CNOT7: variants seen among roughly 807,000 people sequenced by gnomAD.
CNOT7 encodes BTG1-binding factor 1.
In CNOT7, 4 loss-of-function variants were observed where a neutral mutation model predicts 37.1. The observed-to-expected ratio is 0.11, with a 90% CI of 0.05 to 0.25. CNOT7 has a LOEUF of 0.25. Among genes scored for constraint, CNOT7 ranks in the 10% least tolerant of loss-of-function variants. The pLI, the probability that CNOT7 is intolerant of heterozygous loss-of-function variation, is 1.00. For missense variants in CNOT7, 170 were observed against 336.2 expected (o/e 0.51, Z 3.87); for synonymous variants, 128 against 115.6 (o/e 1.11, Z -0.69).
intron 3 of CNOT7, among the ~76,000 whole-genome samples, chr8:17,238,234 T>G (rs1034990752): frequency 6.6e-6 from 1 of 152,246 alleles, no homozygotes; most frequent in Non-Finnish European, 1.5e-5. Flanking sequence ...TTTTATTTAC[T>G]TTTTAAATTG....
chr8:17,245,544 T>A (rs904437075), intron 1 of CNOT7, among the ~76,000 whole-genome samples: 2 of 152,252 alleles, frequency 1.3e-5, no homozygotes, highest in Non-Finnish European at 2.9e-5. Context: ...CTACTCTGCA[T>A]AAAACTTTAT....
At chr8:17,243,727 C>G (rs1810503008) in intron 2 of CNOT7, 3 of 445,662 alleles carry the variant, frequency 6.7e-6, no homozygotes, top group South Asian at 3.1e-5. Context: ...CCTACTCACT[C>G]TTGTAGGATG....
At chr8:17,243,742 C>T in intron 2 of CNOT7, 2 of 431,146 alleles carry the variant, frequency 4.6e-6, no homozygotes, top group South Asian at 1.6e-5. Context: ...AGGATGTTAT[C>T]ACTTCTCTAT....
chr8:17,242,329 A>G (rs1810293892), intron 3 of CNOT7: 1 of 152,204 alleles, frequency 6.6e-6, no homozygotes, highest in Non-Finnish European at 1.5e-5. Context: ...GCCCCTCTCT[A>G]AAAACATCTA....
At position 17,226,033 on chromosome 8, in the gene CNOT7, T is replaced by TTTTTTTC. The variant is rs1465227866; in HGVS notation, c.*4686_*4687insGAAAAAA. The stretch of plus-strand genomic sequence containing the variant: ...CTAGTAGAGAGGTGGACAAGCCTTT[T>TTTTTTTC]TTTTTTTTTTTTTTTTTTTTTTGAA... On this transcript the variant is annotated 3_prime_UTR_variant, in exon 7 of 7. Transcript: ENST00000361272. The TTTTTTTC allele has an allele frequency of 8.1e-6, 1 of 122,882 alleles. No homozygotes were observed. Among genetic ancestry groups the TTTTTTTC allele is most frequent in the Non-Finnish European group, 1.7e-5 (1 of 57,502 alleles). The allele number at this position is 122,882 out of a possible 1,614,324, so 7.6% of individuals were successfully genotyped here. A position where few individuals can be genotyped will look rare whatever the true frequency, so the allele number is the denominator to read the frequency against.
chr8:17,244,874 G>A, intron 2 of CNOT7, 162 bp downstream of exon 2: 4 of 612,730 alleles, frequency 6.5e-6, no homozygotes, highest in Non-Finnish European at 8.6e-6. Context: ...CAAATCACAG[G>A]TGTATTCCTG....
In CNOT7 at chr8:17,225,185, A is replaced by T. The variant is rs1430931227; in HGVS notation, c.*5535T>A. The T allele has an allele frequency of 6.6e-6, 1 of 151,744 alleles. No homozygotes were observed. 9.4% of individuals were successfully genotyped at this position (151,744 alleles called of 1,614,324 possible). ...AAACTTGTATTTCCTAACAATTTGG[A>T]AGCCATGATGATAGTCTGAAGCTAA... On this transcript the variant is annotated 3_prime_UTR_variant, in exon 7 of 7. Coordinates refer to ENST00000361272, the MANE Select transcript of CNOT7 (RefSeq NM_013354.7).
rs1422004357 is a variant in CNOT7, at chr8:17,228,479, A to C, written c.*2241T>G. The stretch of plus-strand genomic sequence containing the variant: ...AAAAATACTAAGATGCATTTAATGC[A>C]GGCAACAGCATACAGTCCCCCAATT... On this transcript the variant is annotated 3_prime_UTR_variant, in exon 7 of 7. Transcript: ENST00000361272. The C allele has an allele frequency of 6.6e-6, 1 of 151,986 alleles. No individual in the cohort carries two copies. Among genetic ancestry groups the C allele is most frequent in the Non-Finnish European group, 1.5e-5 (1 of 67,866 alleles). The allele number at this position is 151,986 out of a possible 1,614,324, so 9.4% of individuals were successfully genotyped here. A position where few individuals can be genotyped will look rare whatever the true frequency, so the allele number is the denominator to read the frequency against.
At chr8:17,238,507 T>G (rs1470490175) in intron 3 of CNOT7, among the ~76,000 whole-genome samples, 1 of 144,690 alleles carries the variant, frequency 6.9e-6, no homozygotes, top group African/African-American at 2.5e-5. Context: ...ATGAAGTAGT[T>G]TCTTTTTTTT....
rs1808247791 is a variant in CNOT7 at position 17,227,630 on chromosome 8, G to A, written c.*3090C>T. On this transcript the variant is annotated 3_prime_UTR_variant, in exon 7 of 7. Transcript: ENST00000361272. ...TATTACTTTTGTGAAATTTTGCTGT[G>A]ATGTTTCATTTAAATTTTCTAATTC... 6.6e-6 allele frequency: 1 copy of A among 151,890 alleles called. No individual in the cohort carries two copies. The highest frequency in any genetic ancestry group is 6.6e-5 in the Admixed American group (1 of 15,236). 9.4% of individuals were successfully genotyped at this position (151,890 alleles called of 1,614,324 possible). A position where few individuals can be genotyped will look rare whatever the true frequency, so the allele number is the denominator to read the frequency against.
intron 6 of CNOT7, chr8:17,231,366 T>A (rs1323013526): frequency 4.4e-6 from 1 of 226,512 alleles, no homozygotes; most frequent in Non-Finnish European, 7.3e-6. Context: ...TTTAGTTAAA[T>A]AAACCATTAA....
In CNOT7 at chr8:17,237,196, A is replaced by G; in HGVS notation, c.473+16T>C. The G allele has an allele frequency of 1.2e-6, 2 of 1,611,094 alleles. No homozygotes were observed. Among genetic ancestry groups the G allele is most frequent in the Non-Finnish European group, 1.7e-6 (2 of 1,178,448 alleles). ...AGATGGAAAAACAAATGCCATTTTC[A>G]ATGTAGTCGTTTTACCTATGAAATG... On this transcript the variant is annotated intron_variant, in intron 4 of 6. Coordinates refer to ENST00000361272, the MANE Select transcript of CNOT7 (RefSeq NM_013354.7).
At chr8:17,239,519 G>A (rs1040087325) in intron 3 of CNOT7, among the ~76,000 whole-genome samples, 6 of 152,146 alleles carry the variant, frequency 3.9e-5, no homozygotes, top group South Asian at 4.2e-4. Flanking sequence ...TTTTTGAGAC[G>A]GAGTCTCACT....
chr8:17,242,447 T>A (rs1226037963), intron 3 of CNOT7: 1 of 152,214 alleles, frequency 6.6e-6, no homozygotes, highest in Non-Finnish European at 1.5e-5. Flanking sequence ...GATTCTGACA[T>A]ATGATAAACA....
rs766330962 is a variant in CNOT7 at position 17,245,139 on chromosome 8, G to C, written c.14C>G (p.Thr5Ser). The change falls in exon 2 of 7, where the codon ACT becomes AGT. Residue 5 changes from threonine (T) to serine (S), a missense_variant. By Grantham distance (58) the Thr-to-Ser change is moderately conservative. Around this residue, in one of 6 missense-constraint regions of CNOT7, gnomAD observed 38 missense variants for 36.9 expected, o/e 1.03. Coordinates refer to ENST00000361272, the MANE Select transcript of CNOT7 (RefSeq NM_013354.7). MPAA[T>S]VDHSQRICEV... Reference sequence around the variant, plus strand: ...ACAAATTCTTTGGCTATGATCTACAGTTGCCGCTGGCATAGTGAGGGCACA... The same window carrying C: ...ACAAATTCTTTGGCTATGATCTACACTTGCCGCTGGCATAGTGAGGGCACA... 2 of 1,612,796 alleles carry C rather than the reference G, an allele frequency of 1.2e-6. No individual in the cohort carries two copies. Among genetic ancestry groups the C allele is most frequent in the African/African-American group, 1.3e-5 (1 of 74,868 alleles).
At chr8:17,235,433 C>G (rs889599947) in intron 4 of CNOT7, among the ~76,000 whole-genome samples, 4 of 152,164 alleles carry the variant, frequency 2.6e-5, no homozygotes, top group African/African-American at 9.7e-5. Flanking sequence ...CTTCACAATT[C>G]TCTTCCTTTC....
Position 17,237,232 on chromosome 8 carries a change from G to C in CNOT7, c.453C>G (p.Val151=). Reference sequence around the variant, plus strand: ...TTTACCTATGAAATGACAACCATTTGACCCCTTCACAGAGGACCACTCCAG... The same window carrying C: ...TTTACCTATGAAATGACAACCATTTCACCCCTTCACAGAGGACCACTCCAG... ...MTSGVVLCEG[V]KWLSFHSGYD... is the part of the protein sequence containing the mutation. Residue 151 remains valine, a synonymous_variant, in exon 4 of 7, where the codon GTC becomes GTG. Coordinates refer to ENST00000361272, the MANE Select transcript of CNOT7 (RefSeq NM_013354.7). The C allele has an allele frequency of 6.2e-7, 1 of 1,613,964 alleles. No individual in the cohort carries two copies. Among genetic ancestry groups the C allele is most frequent in the Non-Finnish European group, 8.5e-7 (1 of 1,179,952 alleles).
At position 17,232,490 on chromosome 8, in the gene CNOT7, T is replaced by G. The variant is rs955670526; in HGVS notation, c.666A>C (p.Gly222=). 6.2e-7 allele frequency: 1 copy of G among 1,613,974 alleles called. No individual in the cohort carries two copies. Among genetic ancestry groups the G allele is most frequent in the Non-Finnish European group, 8.5e-7 (1 of 1,179,994 alleles). The part of the protein sequence containing the change: ...VAEQLELERI[G]PQHQAGSDSL... ...AATCAGATCCTGCCTGATGTTGTGGTCCTATCCGTTCCAGCTCTAACTGTT... is the reference window on the plus strand; with the variant it reads ...AATCAGATCCTGCCTGATGTTGTGGGCCTATCCGTTCCAGCTCTAACTGTT... Residue 222 remains glycine, a synonymous_variant, in exon 6 of 7, where the codon GGA becomes GGC. Coordinates refer to ENST00000361272, the MANE Select transcript of CNOT7 (RefSeq NM_013354.7).
rs1563214981 is a variant in CNOT7, at chr8:17,245,127, C to T, written c.26G>A (p.Ser9Asn). The T allele has an allele frequency of 6.2e-7, 1 of 1,613,444 alleles. No individual in the cohort carries two copies. Among genetic ancestry groups the T allele is most frequent in the African/African-American group, 1.3e-5 (1 of 74,882 alleles). ...AGCCCAAACTTCACAAATTCTTTGG[C>T]TATGATCTACAGTTGCCGCTGGCAT... The part of the protein sequence containing the change: MPAATVDH[S>N]QRICEVWACN... The change falls in exon 2 of 7, where the codon AGC (serine) becomes AAC (asparagine). Residue 9 changes from serine (S) to asparagine (N), a missense_variant. Ser to Asn is a conservative substitution (Grantham distance 46, BLOSUM62 1). Around this residue, in one of 6 missense-constraint regions of CNOT7, gnomAD observed 38 missense variants for 36.9 expected, o/e 1.03. Coordinates refer to ENST00000361272, the MANE Select transcript of CNOT7 (RefSeq NM_013354.7).
Sources: gnomAD v4.1 joint callset for allele counts (sites outside exome capture counted in the v4.1 genomes callset) on GRCh38, gnomAD v4.1.1 for gene constraint, gnomAD v4.1.1 regional missense constraint, MANE v1.5 for transcripts, NCBI Gene and HGNC (gene_info 2026-07-23, HGNC 2026-07-21) for gene names.